Variants in TNRC6B observed in about 807,000 individuals in gnomAD.
The protein encoded by TNRC6B is trinucleotide repeat-containing gene 6B protein.
In TNRC6B, 52 loss-of-function variants were observed where a neutral mutation model predicts 203.6. The observed-to-expected ratio is 0.26, with a 90% confidence interval of 0.20 to 0.32. The LOEUF (loss-of-function observed/expected upper bound fraction) is 0.32. Among genes scored for constraint, TNRC6B ranks in the 10% least tolerant of loss-of-function variants. The pLI, the probability that TNRC6B is intolerant of heterozygous loss-of-function variation, is 1.00. For synonymous variants in TNRC6B, 838 were observed against 845.7 expected, an observed-to-expected ratio of 0.99 and a Z score of 0.16; for missense variants, 1,923 against 2,286.2, an observed-to-expected ratio of 0.84 and a Z score of 3.24.
At chr22:40,048,737 A>C (rs1177309352) in intron 1 of TNRC6B, among the ~76,000 whole-genome samples, 1 of 152,234 alleles carries the variant, frequency 6.6e-6, no homozygotes, top group Non-Finnish European at 1.5e-5. Flanking sequence ...AGTCAGGATC[A>C]GAACGGTTCC....
chr22:40,057,961 T>C (rs2067815081), intron 1 of TNRC6B, among the ~76,000 whole-genome samples: 1 of 152,212 alleles, frequency 6.6e-6, no homozygotes, highest in Non-Finnish European at 1.5e-5. Context: ...TAAGTTAATA[T>C]TTCACCATCT....
chr22:40,209,220 A>G (rs2069526334), intron 1 of TNRC6B, among the ~76,000 whole-genome samples: 1 of 151,952 alleles, frequency 6.6e-6, no homozygotes, highest in Non-Finnish European at 1.5e-5. Flanking sequence ...AGAGAGTCCA[A>G]TTTATTCTCT....
chr22:40,298,165 T>TAA (rs1569059601), intron 12 of TNRC6B, among the ~76,000 whole-genome samples: 1 of 148,714 alleles, frequency 6.7e-6, no homozygotes, highest in African/African-American at 2.6e-5. Context: ...TAAAAAATCA[T>TAA]TAAAAAAAAC....
chr22:40,066,211 A>T (rs1569248557), intron 1 of TNRC6B, among the ~76,000 whole-genome samples: 1 of 151,942 alleles, frequency 6.6e-6, no homozygotes, highest in Non-Finnish European at 1.5e-5. Context: ...CACCTTCTTC[A>T]TTTGCCGTGT....
At chr22:40,170,980 T>C (rs1198263900) in intron 4 of TNRC6B, among the ~76,000 whole-genome samples, 1 of 147,386 alleles carries the variant, frequency 6.8e-6, no homozygotes, top group African/African-American at 2.5e-5. Flanking sequence ...CCTGTATATG[T>C]ACATATATGT....
chr22:40,129,721 T>C (rs1190949762), intron 3 of TNRC6B, among the ~76,000 whole-genome samples: 1 of 152,138 alleles, frequency 6.6e-6, no homozygotes, highest in Non-Finnish European at 1.5e-5. Context: ...GGTGCAATTG[T>C]TTATAATTAC....
intron 6 of TNRC6B, 30 bp from the exon 7 acceptor site, chr22:40,273,395 G>A: frequency 6.4e-7 from 1 of 1,552,002 alleles, no homozygotes. Context: ...TATAGCTGTT[G>A]CAAAGAGTTA....
chr22:40,141,747 G>A (rs570460180), intron 3 of TNRC6B, among the ~76,000 whole-genome samples: 1 of 150,518 alleles, frequency 6.6e-6, no homozygotes, highest in East Asian at 2.0e-4. Flanking sequence ...GGTCCCAGCT[G>A]TTTTTTTCTT....
At chr22:40,074,570 A>G (rs1267925262) in intron 1 of TNRC6B, among the ~76,000 whole-genome samples, 1 of 152,118 alleles carries the variant, frequency 6.6e-6, no homozygotes, top group Non-Finnish European at 1.5e-5. Flanking sequence ...TGAGGTCAGG[A>G]GATCGAGACC....
At chr22:40,270,816 G>C (rs937176606) in intron 6 of TNRC6B, among the ~76,000 whole-genome samples, 1 of 152,160 alleles carries the variant, frequency 6.6e-6, no homozygotes, top group African/African-American at 2.4e-5. Flanking sequence ...AGTTAATTTT[G>C]TTTTAAATTT....
upstream of TNRC6B, among the ~76,000 whole-genome samples, chr22:40,173,692 G>A: frequency 6.8e-6 from 1 of 147,298 alleles, no homozygotes; most frequent in East Asian, 2.0e-4. Flanking sequence ...GGGATTACAG[G>A]CATGAGTCAA....
intron 2 of TNRC6B, among the ~76,000 whole-genome samples, chr22:40,250,600 T>C (rs544699124): frequency 1.3e-5 from 2 of 152,338 alleles, no homozygotes; most frequent in East Asian, 3.9e-4. Flanking sequence ...ATATCTGATT[T>C]AATCCTTACA....
intron 2 of TNRC6B, among the ~76,000 whole-genome samples, chr22:40,118,961 GA>G (rs1252896938): frequency 1.3e-5 from 2 of 152,182 alleles, no homozygotes; most frequent in African/African-American, 4.8e-5. Context: ...CAAAAACATG[GA>G]AACCTGAAAC....
At chr22:40,284,655 T>C (rs2070759991) in intron 11 of TNRC6B, among the ~76,000 whole-genome samples, 1 of 152,068 alleles carries the variant, frequency 6.6e-6, no homozygotes, top group Non-Finnish European at 1.5e-5. Flanking sequence ...TATAGTGTGG[T>C]TTGATGAGTT....
chr22:40,084,073 G>A (rs765108253), intron 1 of TNRC6B, among the ~76,000 whole-genome samples: 49 of 152,178 alleles, frequency 3.2e-4, no homozygotes, highest in Admixed American at 5.2e-4. Context: ...CATGGAGAAG[G>A]GAGTTGCTTG....
At chr22:40,064,887 G>T (rs2067883190) in intron 1 of TNRC6B, among the ~76,000 whole-genome samples, 1 of 152,018 alleles carries the variant, frequency 6.6e-6, no homozygotes, top group South Asian at 2.1e-4. Context: ...AAAGTGCTGG[G>T]ATTACAGGCG....
intron 12 of TNRC6B, among the ~76,000 whole-genome samples, chr22:40,297,396 A>G (rs1283603768): frequency 6.6e-6 from 1 of 152,228 alleles, no homozygotes; most frequent in Non-Finnish European, 1.5e-5. Context: ...TAGGATCAAC[A>G]AGAACTTGGT....
intron 5 of TNRC6B, among the ~76,000 whole-genome samples, chr22:40,268,990 T>C (rs1461962525): frequency 6.6e-6 from 1 of 151,362 alleles, no homozygotes; most frequent in Non-Finnish European, 1.5e-5. Flanking sequence ...TCTTAGAAGT[T>C]TGTGTCCCAT....
At position 40,325,605 on chromosome 22, in the gene TNRC6B, C is replaced by A. The variant is rs2146586508; in HGVS notation, c.*2364C>A. 6.5e-6 allele frequency: 1 copy of A among 152,718 alleles called. No homozygotes were observed. Among genetic ancestry groups the A allele is most frequent in the African/African-American group, 2.4e-5 (1 of 41,560 alleles). 9.5% of individuals were successfully genotyped at this position (152,718 alleles called of 1,614,324 possible). ...CACCGTGCCCCTTCCACCACTGTTCCCCATGCAAAAGCTCTGCTTCCAGCA... is the reference window on the plus strand; with the variant it reads ...CACCGTGCCCCTTCCACCACTGTTCACCATGCAAAAGCTCTGCTTCCAGCA... On this transcript the variant is annotated 3_prime_UTR_variant, in exon 23 of 23. Coordinates refer to ENST00000454349, the MANE Select transcript of TNRC6B (RefSeq NM_001162501.2).
Sources: allele counts gnomAD v4.1 joint callset (sites outside exome capture counted in the v4.1 genomes callset), GRCh38; gene constraint gnomAD v4.1.1; transcripts MANE v1.5; gene names NCBI Gene and HGNC (gene_info 2026-07-23, HGNC 2026-07-21).